Variants in KAZN observed in about 807,000 individuals in gnomAD.
KAZN encodes the protein kazrin.
In KAZN, 40 loss-of-function variants were observed where a neutral mutation model predicts 87.4. The ratio of observed to expected loss-of-function variants is 0.46; its 90% CI spans 0.36 to 0.60. The LOEUF (loss-of-function observed/expected upper bound fraction) is 0.60. KAZN is among the 20% of genes least tolerant of loss of function. KAZN has a pLI of 0.00. For synonymous variants in KAZN, 466 were observed against 458.3 expected (o/e 1.02, Z -0.22); for missense variants, 898 against 1,073.9 (o/e 0.84, Z 2.29).
At chr1:14,760,412 A>T (rs771631966) in intron 1 of KAZN, among the ~76,000 whole-genome samples, 1 of 152,228 alleles carries the variant, frequency 6.6e-6, no homozygotes, top group Admixed American at 6.5e-5. Context: ...ATGATAAAAT[A>T]AGGTCTAAGG....
intron 1 of KAZN, among the ~76,000 whole-genome samples, chr1:14,012,935 G>A (rs1640383112): frequency 6.6e-6 from 1 of 152,160 alleles, no homozygotes; most frequent in Non-Finnish European, 1.5e-5. Context: ...ATAGTAAAAG[G>A]GGAATTTCAA....
intron 1 of KAZN, among the ~76,000 whole-genome samples, chr1:14,841,189 G>C (rs548657398): frequency 6.6e-6 from 1 of 151,822 alleles, no homozygotes; most frequent in Non-Finnish European, 1.5e-5. Flanking sequence ...AGGCCAAGGC[G>C]GGTGGATCAT....
intron 1 of KAZN, among the ~76,000 whole-genome samples, chr1:14,756,946 G>T (rs1026699485): frequency 1.3e-5 from 2 of 152,310 alleles, no homozygotes; most frequent in African/African-American, 2.4e-5. Flanking sequence ...GGACATTTTT[G>T]ATTAAGTGTC....
intron 1 of KAZN, among the ~76,000 whole-genome samples, chr1:14,004,834 T>A (rs1198147650): frequency 2.6e-5 from 4 of 152,098 alleles, no homozygotes; most frequent in Non-Finnish European, 5.9e-5. Flanking sequence ...CAGGAATGGA[T>A]TAATGGGTTA....
chr1:15,006,290 A>C (rs750572281), intron 2 of KAZN, among the ~76,000 whole-genome samples: 4 of 152,200 alleles, frequency 2.6e-5, no homozygotes, highest in Non-Finnish European at 5.9e-5. Flanking sequence ...TTTGAGCTAA[A>C]TCTTTGCTAG....
intron 1 of KAZN, among the ~76,000 whole-genome samples, chr1:14,727,745 C>T (rs369456936): frequency 1.3e-4 from 20 of 151,702 alleles, no homozygotes; most frequent in Middle Eastern, 3.4e-3. Flanking sequence ...GGATTACAGG[C>T]GTGAGCCACC....
At chr1:14,270,113 T>G (rs970662349) in intron 2 of KAZN, among the ~76,000 whole-genome samples, 10 of 151,892 alleles carry the variant, frequency 6.6e-5, no homozygotes, top group South Asian at 2.1e-4. Context: ...ACACTGGGGG[T>G]CAGATTTCAA....
At chr1:14,607,207 T>C (rs1303850126) in intron 1 of KAZN, among the ~76,000 whole-genome samples, 1 of 152,250 alleles carries the variant, frequency 6.6e-6, no homozygotes, top group African/African-American at 2.4e-5. Flanking sequence ...TTACATACCA[T>C]ATAACAAGCA....
intron 2 of KAZN, among the ~76,000 whole-genome samples, chr1:14,233,365 G>T (rs72644425): frequency 2.0e-5 from 3 of 152,096 alleles, no homozygotes; most frequent in Admixed American, 6.6e-5. Flanking sequence ...AAACTCCCAG[G>T]TTCAAGCAAT....
At chr1:14,386,380 C>T (rs887026684) in intron 2 of KAZN, among the ~76,000 whole-genome samples, 4 of 151,008 alleles carry the variant, frequency 2.6e-5, no homozygotes, top group Non-Finnish European at 4.4e-5. Flanking sequence ...TTATTTTGCT[C>T]GTTAGTTGAT....
chr1:14,291,086 G>A (rs1653649298), intron 2 of KAZN, among the ~76,000 whole-genome samples: 1 of 152,164 alleles, frequency 6.6e-6, no homozygotes, highest in Non-Finnish European at 1.5e-5. Context: ...CCCTGTATGA[G>A]GTGTCAGTCG....
chr1:14,142,767 T>C (rs1645267082), intron 1 of KAZN, among the ~76,000 whole-genome samples: 1 of 152,198 alleles, frequency 6.6e-6, no homozygotes, highest in African/African-American at 2.4e-5. Context: ...TCATTTAAGA[T>C]GGTACAATCC....
chr1:14,873,569 A>G (rs1652421456), intron 1 of KAZN, among the ~76,000 whole-genome samples: 1 of 152,190 alleles, frequency 6.6e-6, no homozygotes, highest in Non-Finnish European at 1.5e-5. Flanking sequence ...AGGAAATGTA[A>G]AAGGAGAGGA....
chr1:14,924,313 G>T lies in KAZN; in HGVS notation c.227-36371G>T, dbSNP rs930860958. 1.7e-5 allele frequency: 17 copies of T among 985,814 alleles called. No individual in the cohort carries two copies. In the South Asian group the frequency reaches 7.7e-4, roughly 45 times the overall value. The allele number at this position is 985,814 out of a possible 1,614,324, so 61.1% of individuals were successfully genotyped here. ...CTCCGGGTCTGTGAGCCCGGCGCGC[G>T]CCGTCGGAGCCCCTCGCGCAGCCGC... On this transcript the variant is annotated intron_variant, in intron 1 of 14. Transcript: ENST00000376030.
In KAZN at chr1:14,883,340, GAGAA is replaced by G. The variant is rs1214984646; in HGVS notation, c.227-77330_227-77327del. On this transcript the variant is annotated intron_variant, in intron 1 of 14. Transcript: ENST00000376030. The stretch of plus-strand genomic sequence containing the variant: ...AGAAAGAGAGAGAGAGAGAGAGAGA[GAGAA>G]AGAAAGAAAGAAAAGAAAGAAAGAA... Among the ~76,000 whole-genome samples, 11 of 24,506 alleles carry G rather than the reference GAGAA, an allele frequency of 4.5e-4. 3 individuals carry two copies. Among genetic ancestry groups the G allele is most frequent in the Non-Finnish European group, 6.0e-4 (7 of 11,726 alleles). 16.1% of individuals were successfully genotyped at this position (24,506 alleles called of 152,430 possible).
At chr1:14,266,023 G>A (rs1274741864) in intron 2 of KAZN, among the ~76,000 whole-genome samples, 1 of 152,176 alleles carries the variant, frequency 6.6e-6, no homozygotes, top group Non-Finnish European at 1.5e-5. Flanking sequence ...CCTATCTGAT[G>A]TGAACAGCTT....
intron 2 of KAZN, among the ~76,000 whole-genome samples, chr1:14,199,586 C>T (rs993827665): frequency 6.6e-6 from 1 of 152,186 alleles, no homozygotes; most frequent in African/African-American, 2.4e-5. Flanking sequence ...TGTTCACCTG[C>T]CTGAAGCAGG....
intron 1 of KAZN, among the ~76,000 whole-genome samples, chr1:14,671,365 A>G (rs572807599): frequency 6.6e-6 from 1 of 152,366 alleles, no homozygotes; most frequent in Non-Finnish European, 1.5e-5. Context: ...AGTAAATAGT[A>G]AATGAATGAG....
At chr1:14,085,122 G>A (rs1407668324) in intron 1 of KAZN, among the ~76,000 whole-genome samples, 4 of 152,098 alleles carry the variant, frequency 2.6e-5, no homozygotes, top group African/African-American at 9.7e-5. Flanking sequence ...TACACTAAAT[G>A]CCCTGGAGTT....
Sources: gnomAD v4.1 joint callset for allele counts (sites outside exome capture counted in the v4.1 genomes callset) on GRCh38, gnomAD v4.1.1 for gene constraint, MANE v1.5 for transcripts, NCBI Gene and HGNC (gene_info 2026-07-23, HGNC 2026-07-21) for gene names.